TMCO5A: variants seen among roughly 807,000 people sequenced by gnomAD.
TMCO5A encodes transmembrane and coiled-coil domain-containing protein 5A.
TMCO5A carries 34 observed loss-of-function variants against 42.3 expected under a neutral mutation model. The observed-to-expected ratio is 0.80, with a 90% CI of 0.61 to 1.07. The LOEUF (loss-of-function observed/expected upper bound fraction) is 1.07. Among genes scored for constraint, TMCO5A ranks in the 50% least tolerant of loss-of-function variants. The probability of loss-of-function intolerance (pLI) is 0.00; values close to 1 mark genes in which losing one functional copy is unlikely to be tolerated. For missense variants in TMCO5A, 357 were observed against 327.9 expected, an observed-to-expected ratio of 1.09 and a Z score of -0.69; for synonymous variants, 131 against 115.6, an observed-to-expected ratio of 1.13 and a Z score of -0.86.
the TMCO5A span, among the ~76,000 whole-genome samples, chr15:37,979,215 C>T: frequency 3.3e-5 from 5 of 151,994 alleles, no homozygotes; most frequent in South Asian, 2.1e-4. Context: ...GTTGCTTTTC[C>T]GTAAGGCAGC....
the TMCO5A span, among the ~76,000 whole-genome samples, chr15:38,010,274 G>C: frequency 4.0e-5 from 6 of 151,308 alleles, no homozygotes; most frequent in African/African-American, 1.2e-4. Flanking sequence ...TACTCGAGAG[G>C]CTGAGGCAGG....
intron 11 of TMCO5A, among the ~76,000 whole-genome samples, chr15:37,949,589 A>G (rs555191243): frequency 6.6e-6 from 1 of 152,226 alleles, no homozygotes; most frequent in Admixed American, 6.6e-5. Context: ...TCAAAGGAAA[A>G]GGCAGAACGA....
chr15:37,963,706 G>A (rs1288873254), intron 11 of TMCO5A, among the ~76,000 whole-genome samples: 1 of 152,042 alleles, frequency 6.6e-6, no homozygotes, highest in Non-Finnish European at 1.5e-5. Context: ...AAGTCTATTA[G>A]TAATTGTTTT....
chr15:37,968,540 T>A (rs1890610123), downstream of TMCO5A, among the ~76,000 whole-genome samples: 1 of 151,946 alleles, frequency 6.6e-6, no homozygotes, highest in South Asian at 2.1e-4. Flanking sequence ...TGAGCTGTTA[T>A]CAACTGGCCT....
At chr15:37,955,480 T>C (rs960787679), downstream of TMCO5A, among the ~76,000 whole-genome samples, 3 of 151,770 alleles carry the variant, frequency 2.0e-5, no homozygotes, top group Admixed American at 6.6e-5. Flanking sequence ...CTGTTACAAA[T>C]ATCAAAAGAG....
chr15:37,951,700 A>C (rs1249395063), downstream of TMCO5A, among the ~76,000 whole-genome samples: 1 of 152,160 alleles, frequency 6.6e-6, no homozygotes. Flanking sequence ...TGAATAAATA[A>C]GCCAGGCAAG....
chr15:38,013,684 C>G, the TMCO5A span, among the ~76,000 whole-genome samples: 1 of 152,202 alleles, frequency 6.6e-6, no homozygotes, highest in Non-Finnish European at 1.5e-5. Context: ...CACTCTATTA[C>G]TTCAACATGT....
chr15:37,938,401 T>C (rs889553923), intron 6 of TMCO5A, among the ~76,000 whole-genome samples, 172 bp downstream of exon 6: 1 of 152,014 alleles, frequency 6.6e-6, no homozygotes, highest in African/African-American at 2.4e-5. Context: ...AGGTAAGGAA[T>C]GTCACTTTTT....
chr15:37,948,437 C>A (rs994482312), intron 11 of TMCO5A, among the ~76,000 whole-genome samples: 5 of 152,032 alleles, frequency 3.3e-5, no homozygotes, highest in African/African-American at 9.7e-5. Flanking sequence ...CTCCAATTGT[C>A]TAGAAAATTT....
downstream of TMCO5A, among the ~76,000 whole-genome samples, chr15:37,972,614 T>C (rs1179887669): frequency 6.6e-6 from 1 of 152,182 alleles, no homozygotes; most frequent in African/African-American, 2.4e-5. Flanking sequence ...TGTTCTTTGT[T>C]CACGTTTTAA....
chr15:37,970,831 C>T (rs1566926549), downstream of TMCO5A, among the ~76,000 whole-genome samples: 1 of 152,198 alleles, frequency 6.6e-6, no homozygotes, highest in Non-Finnish European at 1.5e-5. Context: ...TGTCTCATAT[C>T]CAGGTCATGC....
the TMCO5A span, among the ~76,000 whole-genome samples, chr15:37,998,508 T>C: frequency 6.6e-6 from 1 of 152,102 alleles, no homozygotes. Context: ...GAGTTCACTG[T>C]AGAGGTATGG....
the TMCO5A span, among the ~76,000 whole-genome samples, chr15:37,976,197 A>T: frequency 3.3e-5 from 5 of 151,578 alleles, no homozygotes; most frequent in Admixed American, 2.0e-4. Context: ...GTGAGCTGAG[A>T]TTGTACCACC....
chr15:37,950,961 A>G (rs1890134673), intron 11 of TMCO5A, 75 bp from the exon 12 acceptor site: 10 of 1,316,792 alleles, frequency 7.6e-6, no homozygotes, highest in Middle Eastern at 2.7e-4. Flanking sequence ...CCAGATATGC[A>G]TTCAGGTATG....
At chr15:37,955,636 A>T (rs1045347391), downstream of TMCO5A, among the ~76,000 whole-genome samples, 15 of 152,164 alleles carry the variant, frequency 9.9e-5, no homozygotes, top group Admixed American at 6.5e-4. Flanking sequence ...ACTCCCACAC[A>T]ATAATAGTGG....
At chr15:38,033,196 T>A in the TMCO5A span, among the ~76,000 whole-genome samples, 1 of 152,136 alleles carries the variant, frequency 6.6e-6, no homozygotes, top group Non-Finnish European at 1.5e-5. Context: ...CGAAATTTGG[T>A]CTCTTACCCT....
chr15:37,972,320 A>T (rs541888436), downstream of TMCO5A, among the ~76,000 whole-genome samples: 1 of 152,268 alleles, frequency 6.6e-6, no homozygotes, highest in Admixed American at 6.5e-5. Flanking sequence ...ATTACCTCCC[A>T]CCGGGTCCCT....
chr15:37,958,596 G>C (rs192253714), intron 11 of TMCO5A, among the ~76,000 whole-genome samples: 1 of 151,872 alleles, frequency 6.6e-6, no homozygotes, highest in Non-Finnish European at 1.5e-5. Context: ...TTAGAATGGC[G>C]ATCATTAAAA....
At chr15:37,942,780 A>T (rs575872271) in intron 9 of TMCO5A, 1 of 154,568 alleles carries the variant, frequency 6.5e-6, no homozygotes, top group East Asian at 1.9e-4. Context: ...AGCACTCCTC[A>T]AAGTACAATG....
Sources: allele counts gnomAD v4.1 joint callset (sites outside exome capture counted in the v4.1 genomes callset), GRCh38; gene constraint gnomAD v4.1.1; transcripts MANE v1.5; gene names NCBI Gene and HGNC (gene_info 2026-07-23, HGNC 2026-07-21).